FNBP4: variants seen among roughly 807,000 people sequenced by gnomAD.
FNBP4 encodes the protein formin-binding protein 4.
FNBP4 carries 34 observed loss-of-function variants against 119.3 expected under a neutral mutation model. That is an observed-to-expected ratio of 0.28 (90% CI 0.22 to 0.38). FNBP4 has a LOEUF of 0.38. Among genes scored for constraint, FNBP4 ranks in the 10% least tolerant of loss-of-function variants. The probability of loss-of-function intolerance (pLI) is 1.00; values close to 1 mark genes in which losing one functional copy is unlikely to be tolerated. For synonymous variants in FNBP4, 462 were observed against 430.6 expected, an observed-to-expected ratio of 1.07 and a Z score of -0.90; for missense variants, 1,112 against 1,228.9, an observed-to-expected ratio of 0.90 and a Z score of 1.42.
chr11:47,732,622 T>G lies in FNBP4; in HGVS notation c.1735A>C (p.Lys579Gln), dbSNP rs759320085. 1.2e-6 allele frequency: 2 copies of G among 1,614,190 alleles called. No homozygotes were observed. Among genetic ancestry groups the G allele is most frequent in the South Asian group, 1.1e-5 (1 of 91,082 alleles). ...REGALNGNYL[K>Q]RKLQDAAEQL... ...TCTGCTGCATCCTGAAGTTTTCGTT[T>G]AAGGTAGTTTCCATTAAGAGCCCCT... The change falls in exon 11 of 17, where the codon AAA becomes CAA. Residue 579 changes from lysine (K) to glutamine (Q), a missense_variant. Lys to Gln is a moderately conservative substitution (Grantham distance 53). Coordinates refer to ENST00000263773, the MANE Select transcript of FNBP4 (RefSeq NM_015308.5). The surrounding 1 kb of genome is among the most constrained non-coding windows in gnomAD (Gnocchi z 4.2).
chr11:47,728,063 G>A (rs2097563175), intron 12 of FNBP4, among the ~76,000 whole-genome samples: 1 of 151,522 alleles, frequency 6.6e-6, no homozygotes, highest in Admixed American at 6.6e-5. Flanking sequence ...TTTAGTAGAG[G>A]CGGGGTTTCT....
At position 47,720,183 on chromosome 11, in the gene FNBP4, G is replaced by A. The variant is rs1324259219; in HGVS notation, c.2806-97C>T. The A allele has an allele frequency of 1.6e-5, 18 of 1,106,752 alleles. No individual in the cohort carries two copies. The South Asian group carries it at 2.2e-4, about 14-fold the overall frequency. The allele number at this position is 1,106,752 out of a possible 1,614,324, so 68.6% of individuals were successfully genotyped here. Reference sequence around the variant, plus strand: ...TCAGGATCCTTTTCCCAGTTCTAAAGAATATGCACACTTTAAAAAAGAAAG... The same window carrying A: ...TCAGGATCCTTTTCCCAGTTCTAAAAAATATGCACACTTTAAAAAAGAAAG... On this transcript the variant is annotated intron_variant, in intron 15 of 16. Transcript: ENST00000263773.
At chr11:47,738,735 C>T (rs904256276) in intron 8 of FNBP4, among the ~76,000 whole-genome samples, 2 of 151,304 alleles carry the variant, frequency 1.3e-5, no homozygotes, top group African/African-American at 4.9e-5. Flanking sequence ...GGCTGGAGAA[C>T]AGTGGAGCTA....
chr11:47,757,190 C>A (rs950095079), intron 2 of FNBP4, among the ~76,000 whole-genome samples: 2 of 152,152 alleles, frequency 1.3e-5, no homozygotes, highest in Non-Finnish European at 2.9e-5. Flanking sequence ...TATTTCTCCA[C>A]ATCCTTTCCA....
chr11:47,766,350 C>G (rs892566143), intron 1 of FNBP4, among the ~76,000 whole-genome samples: 1 of 152,206 alleles, frequency 6.6e-6, no homozygotes, highest in African/African-American at 2.4e-5. Context: ...AAAGTTACAT[C>G]TGCAATACTT....
At chr11:47,755,795 CA>C (rs142581835) in intron 2 of FNBP4, among the ~76,000 whole-genome samples, 4 of 132,252 alleles carry the variant, frequency 3.0e-5, no homozygotes, top group Admixed American at 7.7e-5. Context: ...ACCATGTCTC[CA>C]AAAAAAAAAC....
chr11:47,733,220 G>A (rs2097569578), intron 10 of FNBP4, among the ~76,000 whole-genome samples: 1 of 152,182 alleles, frequency 6.6e-6, no homozygotes, highest in African/African-American at 2.4e-5. Context: ...ATGAGTAGTA[G>A]TAGTTTTGTC....
chr11:47,727,956 C>T (rs1337859002), intron 12 of FNBP4, among the ~76,000 whole-genome samples: 2 of 151,786 alleles, frequency 1.3e-5, no homozygotes. Flanking sequence ...ATTGGCCCAC[C>T]ACAACCTCCG....
At chr11:47,765,527 G>A (rs1332604599) in intron 1 of FNBP4, among the ~76,000 whole-genome samples, 165 bp from the exon 2 acceptor site, 4 of 137,646 alleles carry the variant, frequency 2.9e-5, no homozygotes, top group Non-Finnish European at 6.2e-5. Flanking sequence ...CATTTCGGAT[G>A]GGTTCGCACC....
intron 7 of FNBP4, among the ~76,000 whole-genome samples, chr11:47,745,238 TGCAG>T (rs1265167262): frequency 6.6e-6 from 1 of 152,134 alleles, no homozygotes; most frequent in East Asian, 1.9e-4. Context: ...TCTCACTGCC[TGCAG>T]GGTCAGGCAA....
In FNBP4 at chr11:47,744,022, T is replaced by C. The variant is rs1351283219; in HGVS notation, c.1387A>G (p.Thr463Ala). ...CTCCTACTGGTAGATTCTGGACTGG[T>C]AGCTCGAACAAACATCTTCCATTTT... ...RGKWKMFVRATSPESTSRSSS... is the reference protein window; with the variant it reads ...RGKWKMFVRAASPESTSRSSS... The change falls in exon 8 of 17, where the codon ACC becomes GCC. Residue 463 changes from threonine (T) to alanine (A), a missense_variant. Thr to Ala is a moderately conservative substitution (Grantham distance 58). Transcript: ENST00000263773. 1.2e-6 allele frequency: 2 copies of C among 1,614,098 alleles called. No homozygotes were observed. Among genetic ancestry groups the C allele is most frequent in the East Asian group, 2.2e-5 (1 of 44,908 alleles).
intron 15 of FNBP4, among the ~76,000 whole-genome samples, chr11:47,721,556 C>T (rs1252487275): frequency 1.3e-5 from 2 of 152,042 alleles, no homozygotes; most frequent in Non-Finnish European, 2.9e-5. Flanking sequence ...GAGCTGAGAG[C>T]ATGCCACTGC....
rs768611111 is a variant in FNBP4 at position 47,736,648 on chromosome 11, T to G, written c.1549A>C (p.Thr517Pro). Residue 517 changes from threonine (T) to proline (P), a missense_variant, in exon 9 of 17, where the codon ACA (threonine) becomes CCA (proline). By Grantham distance (38) the Thr-to-Pro change is conservative. Transcript: ENST00000263773. ...ESPEKIKVQT[T>P]PKVEEEQDLK... ...TCCTGTTCTTCTTCTACTTTTGGTG[T>G]TGTCTGTACTTTTATTTTCTCTGGA... 6.6e-5 allele frequency: 106 copies of G among 1,601,412 alleles called. No individual in the cohort carries two copies. The highest frequency in any genetic ancestry group is 8.1e-5 in the Non-Finnish European group (95 of 1,170,294).
At chr11:47,753,827 T>C (rs1400098459) in intron 3 of FNBP4, among the ~76,000 whole-genome samples, 1 of 152,068 alleles carries the variant, frequency 6.6e-6, no homozygotes, top group Non-Finnish European at 1.5e-5. Flanking sequence ...ATACTCATTC[T>C]AAGCTTCTCA....
At chr11:47,748,186 C>G (rs1361373409) in intron 6 of FNBP4, among the ~76,000 whole-genome samples, 1 of 151,398 alleles carries the variant, frequency 6.6e-6, no homozygotes, top group Non-Finnish European at 1.5e-5. Flanking sequence ...TTGCAGTGAG[C>G]AGAGATCGCG....
In FNBP4 at chr11:47,717,337, A is replaced by C; in HGVS notation, c.*85T>G. On this transcript the variant is annotated 3_prime_UTR_variant, in exon 17 of 17. Coordinates refer to ENST00000263773, the MANE Select transcript of FNBP4 (RefSeq NM_015308.5). ...ATAAGATCTCCCCCATAACATTTAT[A>C]GTTTATTTGACAATAAAACTGGTTA... The C allele has an allele frequency of 1.2e-6, 1 of 847,766 alleles. No individual in the cohort carries two copies. The highest frequency in any genetic ancestry group is 1.9e-6 in the Non-Finnish European group (1 of 533,786). The allele number at this position is 847,766 out of a possible 1,614,324, so 52.5% of individuals were successfully genotyped here. A position where few individuals can be genotyped will look rare whatever the true frequency, so the allele number is the denominator to read the frequency against.
chr11:47,745,948 T>C, intron 7 of FNBP4, 108 bp downstream of exon 7: 2 of 971,266 alleles, frequency 2.1e-6, no homozygotes, highest in Non-Finnish European at 1.5e-6. Context: ...ACCTAGATGA[T>C]GGGATAAGAA....
At chr11:47,755,557 G>A (rs1285459947) in intron 2 of FNBP4, among the ~76,000 whole-genome samples, 8 of 151,454 alleles carry the variant, frequency 5.3e-5, no homozygotes, top group Non-Finnish European at 1.2e-4. Flanking sequence ...ATCTGAGGCA[G>A]GAAGATCATT....
intron 2 of FNBP4, among the ~76,000 whole-genome samples, chr11:47,758,995 T>C (rs1429037811): frequency 1.3e-5 from 2 of 150,724 alleles, no homozygotes; most frequent in African/African-American, 2.4e-5. Flanking sequence ...CTCAGCTCAG[T>C]GCAACCTCCG....
Sources: gnomAD v4.1 joint callset for allele counts (sites outside exome capture counted in the v4.1 genomes callset) on GRCh38, gnomAD v4.1.1 for gene constraint, Gnocchi (gnomAD v3.1) non-coding constraint, MANE v1.5 for transcripts, NCBI Gene and HGNC (gene_info 2026-07-23, HGNC 2026-07-21) for gene names.